PCDHGB6: variants seen among roughly 807,000 people sequenced by gnomAD.
The protein encoded by PCDHGB6 is protocadherin gamma subfamily B, 6.
A neutral mutation model predicts 59.1 loss-of-function variants in PCDHGB6; 51 were observed. The ratio of observed to expected loss-of-function variants is 0.86; its 90% confidence interval spans 0.69 to 1.09. The LOEUF (loss-of-function observed/expected upper bound fraction) is 1.09, where lower values mean the gene tolerates loss of function less well. Ranked by LOEUF, PCDHGB6 falls within the 50% of genes least tolerant of loss-of-function variation. The pLI, the probability that PCDHGB6 is intolerant of heterozygous loss-of-function variation, is 0.00. For synonymous variants in PCDHGB6, 466 were observed against 495.1 expected (o/e 0.94, Z 0.78); for missense variants, 1,148 against 1,205.1 (o/e 0.95, Z 0.70).
At chr5:141,418,405 G>T in intron 1 of PCDHGB6, 1 of 1,614,020 alleles carries the variant, frequency 6.2e-7, no homozygotes, top group African/African-American at 1.3e-5. Context: ...CATTGGTGGA[G>T]AAAGACAATC....
Position 141,487,323 on chromosome 5 carries a change from G to T in PCDHGB6, c.2419-7484G>T. The T allele has an allele frequency of 6.2e-7, 1 of 1,614,100 alleles. No homozygotes were observed. The highest frequency in any genetic ancestry group is 8.5e-7 in the Non-Finnish European group (1 of 1,180,004). On this transcript the variant is annotated intron_variant, in intron 1 of 3. Coordinates refer to ENST00000520790, the MANE Select transcript of PCDHGB6 (RefSeq NM_018926.3). This position sits in a 1 kb window ranked among gnomAD's most constrained non-coding sequence, Gnocchi z 5.0. ...GTGGCACTACTCTCTAAGTGTCTTC[G>T]TGGGGCAGCCTGTGGAGTCACATGC... is the stretch of plus-strand genomic sequence containing the variant.
chr5:141,490,644 T>C lies in PCDHGB6; in HGVS notation c.2419-4163T>C. The C allele has an allele frequency of 6.2e-7, 1 of 1,614,188 alleles. No homozygotes were observed. Among genetic ancestry groups the C allele is most frequent in the Non-Finnish European group, 8.5e-7 (1 of 1,180,016 alleles). On this transcript the variant is annotated intron_variant, in intron 1 of 3. Coordinates refer to ENST00000520790, the MANE Select transcript of PCDHGB6 (RefSeq NM_018926.3). The surrounding 1 kb of genome is among the most constrained non-coding windows in gnomAD (Gnocchi z 5.4). Reference sequence around the variant, plus strand: ...CTGCTTACATCCTAGAAAACCGGCCTCCGGGCTCCCTTCTTTGCACTGTGG... The same window carrying C: ...CTGCTTACATCCTAGAAAACCGGCCCCCGGGCTCCCTTCTTTGCACTGTGG...
chr5:141,423,782 C>A (rs1458189260), intron 1 of PCDHGB6: 2 of 1,243,328 alleles, frequency 1.6e-6, no homozygotes, highest in Non-Finnish European at 1.0e-6. Context: ...ATATTTAGTT[C>A]ATATATATTT....
chr5:141,467,788 A>G (rs2099151778), intron 1 of PCDHGB6, among the ~76,000 whole-genome samples: 1 of 152,020 alleles, frequency 6.6e-6, no homozygotes. Flanking sequence ...CCTCTCAAGT[A>G]GCTGGGACTA....
At position 141,461,820 on chromosome 5, in the gene PCDHGB6, AT is replaced by A. The variant is rs1458631685; in HGVS notation, c.2419-32978del. Among the ~76,000 whole-genome samples the A allele has an allele frequency of 8.1e-5, 12 of 147,918 alleles. 1 individual carries two copies. In the South Asian group the frequency reaches 1.3e-3, roughly 16 times the overall value. On this transcript the variant is annotated intron_variant, in intron 1 of 3. Transcript: ENST00000520790. ...AGGTGCCCACCACCACACCCAGCTAATTTTTTTTTCTTTTTTTTTTGAGACA... is the reference window on the plus strand; with the variant it reads ...AGGTGCCCACCACCACACCCAGCTAATTTTTTTTCTTTTTTTTTTGAGACA...
At position 141,473,311 on chromosome 5, in the gene PCDHGB6, A is replaced by G. The variant is rs139053997; in HGVS notation, c.2419-21496A>G. On this transcript the variant is annotated intron_variant, in intron 1 of 3. Coordinates refer to ENST00000520790, the MANE Select transcript of PCDHGB6 (RefSeq NM_018926.3). ...TCAGTAGCATAAAGATTGCTATATTAATAAGCATTAAGTGCCTGCTGTGCT... is the reference window on the plus strand; with the variant it reads ...TCAGTAGCATAAAGATTGCTATATTGATAAGCATTAAGTGCCTGCTGTGCT... Among the ~76,000 whole-genome samples, 1,321 of 152,342 alleles carry G rather than the reference A, an allele frequency of 8.7e-3. 28 individuals carry two copies. Among genetic ancestry groups the G allele is most frequent in the African/African-American group, 0.03 (1,236 of 41,582 alleles).
chr5:141,432,934 G>T lies in PCDHGB6; in HGVS notation c.2418+22314G>T, dbSNP rs377666802. 1.2e-6 allele frequency: 2 copies of T among 1,614,078 alleles called. No individual in the cohort carries two copies. The highest frequency in any genetic ancestry group is 1.3e-5 in the African/African-American group (1 of 74,940). On this transcript the variant is annotated intron_variant, in intron 1 of 3. Coordinates refer to ENST00000520790, the MANE Select transcript of PCDHGB6 (RefSeq NM_018926.3). This position sits in a 1 kb window ranked among gnomAD's most constrained non-coding sequence, Gnocchi z 6.0. ...GGCGCTGGCACAAGTCACGCCTGCT[G>T]CAGGCTTCAGGAGGCGGCTTGACAG...
intron 1 of PCDHGB6, among the ~76,000 whole-genome samples, chr5:141,474,862 T>C (rs1281140736): frequency 6.6e-6 from 1 of 152,264 alleles, no homozygotes; most frequent in Non-Finnish European, 1.5e-5. Context: ...CTTCATTTAA[T>C]AGGATAGGAG....
chr5:141,476,180 C>T lies in PCDHGB6; in HGVS notation c.2419-18627C>T. The T allele has an allele frequency of 1.2e-6, 2 of 1,613,664 alleles. No individual in the cohort carries two copies. Among genetic ancestry groups the T allele is most frequent in the East Asian group, 4.5e-5 (2 of 44,838 alleles). On this transcript the variant is annotated intron_variant, in intron 1 of 3. Transcript: ENST00000520790. The surrounding 1 kb of genome is among the most constrained non-coding windows in gnomAD (Gnocchi z 7.6). ...CGGGAGGGTAGTGGGAGTTTTGCTT[C>T]TGCTTGGTGCCTTGAACAAGGCTTC...
At chr5:141,417,068 T>C (rs1433034146) in intron 1 of PCDHGB6, 1 of 152,154 alleles carries the variant, frequency 6.6e-6, no homozygotes, top group African/African-American at 2.4e-5. Context: ...ATTGTAGCTA[T>C]TGTGAGAAAA....
chr5:141,420,135 A>T (rs2096469364), intron 1 of PCDHGB6: 1 of 1,614,026 alleles, frequency 6.2e-7, no homozygotes. Flanking sequence ...GTGCCTGGGG[A>T]TCAAATGAAT....
intron 1 of PCDHGB6, chr5:141,414,260 A>G: frequency 6.2e-7 from 1 of 1,613,444 alleles, no homozygotes; most frequent in Non-Finnish European, 8.5e-7. Context: ...CCAGTGACTG[A>G]AGATTCACCT....
chr5:141,457,337 TTAC>T (rs1446765287), intron 1 of PCDHGB6, among the ~76,000 whole-genome samples: 2 of 152,202 alleles, frequency 1.3e-5, no homozygotes, highest in Non-Finnish European at 2.9e-5. Flanking sequence ...GGTACCTTAC[TTAC>T]TTTCATTACC....
intron 1 of PCDHGB6, among the ~76,000 whole-genome samples, chr5:141,448,877 G>A (rs1421211206): frequency 6.6e-6 from 1 of 152,112 alleles, no homozygotes; most frequent in African/African-American, 2.4e-5. Flanking sequence ...CCTGGGAGGC[G>A]GAGCTTGCAG....
Position 141,476,102 on chromosome 5 carries a change from C to G in PCDHGB6, c.2419-18705C>G, listed in dbSNP as rs1488747783. The G allele has an allele frequency of 1.3e-6, 2 of 1,576,940 alleles. No homozygotes were observed. Among genetic ancestry groups the G allele is most frequent in the African/African-American group, 2.7e-5 (2 of 73,926 alleles). ...ACGATCTGGACCCCGCTGAGAGGAA[C>G]TGCTTTTGAGTGAGATGGTCCCAGA... On this transcript the variant is annotated intron_variant, in intron 1 of 3. Transcript: ENST00000520790. The surrounding 1 kb of genome is among the most constrained non-coding windows in gnomAD (Gnocchi z 7.6).
chr5:141,486,346 C>G lies in PCDHGB6; in HGVS notation c.2419-8461C>G. 1 of 1,614,120 alleles carries G rather than the reference C, an allele frequency of 6.2e-7. No individual in the cohort carries two copies. Among genetic ancestry groups the G allele is most frequent in the East Asian group, 2.2e-5 (1 of 44,874 alleles). ...GAGATGTGAGCCTCCGCATTCCTGA[C>G]CACTTGCCATTTGCCCTCAAGTCTG... On this transcript the variant is annotated intron_variant, in intron 1 of 3. Coordinates refer to ENST00000520790, the MANE Select transcript of PCDHGB6 (RefSeq NM_018926.3). This position sits in a 1 kb window ranked among gnomAD's most constrained non-coding sequence, Gnocchi z 5.0.
At chr5:141,505,202 T>C (rs778935321) in intron 2 of PCDHGB6, among the ~76,000 whole-genome samples, 191 bp from the exon 3 acceptor site, 3 of 152,012 alleles carry the variant, frequency 2.0e-5, no homozygotes, top group Non-Finnish European at 4.4e-5. Flanking sequence ...AAAGAGCTGG[T>C]TTGAGGGACT....
chr5:141,440,008 C>G, intron 1 of PCDHGB6: 1 of 153,238 alleles, frequency 6.5e-6, no homozygotes. Context: ...GAAACCTTGC[C>G]AAGGATCTGG....
chr5:141,477,845 G>A lies in PCDHGB6; in HGVS notation c.2419-16962G>A, dbSNP rs1164464559. On this transcript the variant is annotated intron_variant, in intron 1 of 3. Transcript: ENST00000520790. This position sits in a 1 kb window ranked among gnomAD's most constrained non-coding sequence, Gnocchi z 4.9. ...ATATCCTCGGCCAGGTGGGAGCTCGGTGGAGATGCTGCCTCGAGGTACCTC... is the reference window on the plus strand; with the variant it reads ...ATATCCTCGGCCAGGTGGGAGCTCGATGGAGATGCTGCCTCGAGGTACCTC... 11 of 1,614,040 alleles carry A rather than the reference G, an allele frequency of 6.8e-6. No individual in the cohort carries two copies. The highest frequency in any genetic ancestry group is 9.3e-6 in the Non-Finnish European group (11 of 1,180,036).
Sources: allele counts gnomAD v4.1 joint callset (sites outside exome capture counted in the v4.1 genomes callset), GRCh38; gene constraint gnomAD v4.1.1; non-coding constraint Gnocchi (gnomAD v3.1); transcripts MANE v1.5; gene names NCBI Gene and HGNC (gene_info 2026-07-23, HGNC 2026-07-21).